CNST: variants seen among roughly 807,000 people sequenced by gnomAD.
CNST encodes the protein consortin.
A neutral mutation model predicts 72.4 loss-of-function variants in CNST; 39 were observed. The ratio of observed to expected loss-of-function variants is 0.54; its 90% CI spans 0.42 to 0.70. CNST has a LOEUF of 0.70. Among genes scored for constraint, CNST ranks in the 30% least tolerant of loss-of-function variants. CNST has a pLI of 0.00. For synonymous variants in CNST, 332 were observed against 320.1 expected, an observed-to-expected ratio of 1.04 and a Z score of -0.40; for missense variants, 871 against 868.5, an observed-to-expected ratio of 1.00 and a Z score of -0.04.
intron 7 of CNST, 76 bp downstream of exon 7, chr1:246,641,846 G>A: frequency 7.9e-7 from 1 of 1,270,636 alleles, no homozygotes; most frequent in Admixed American, 2.0e-5. Context: ...GACTATTTTG[G>A]AAAATGAGGA....
At position 246,660,351 on chromosome 1, in the gene CNST, T is replaced by G; in HGVS notation, c.1972+17T>G. On this transcript the variant is annotated intron_variant, in intron 10 of 10. Coordinates refer to ENST00000366513, the MANE Select transcript of CNST (RefSeq NM_152609.3). ...TGGATCAAGGTAAACCGCTTGGCAC[T>G]GTGGCTAGCAGGATAGATGCTCAGT... is the stretch of plus-strand genomic sequence containing the variant. 1.2e-6 allele frequency: 2 copies of G among 1,608,362 alleles called. No individual in the cohort carries two copies. The highest frequency in any genetic ancestry group is 1.7e-6 in the Non-Finnish European group (2 of 1,178,104).
rs1041980025 is a variant in CNST at position 246,665,955 on chromosome 1, C to T, written c.*50C>T. 3.8e-6 allele frequency: 5 copies of T among 1,330,606 alleles called. No individual in the cohort carries two copies. Among genetic ancestry groups the T allele is most frequent in the Non-Finnish European group, 5.3e-6 (5 of 938,596 alleles). The allele number at this position is 1,330,606 out of a possible 1,614,324, so 82.4% of individuals were successfully genotyped here. On this transcript the variant is annotated 3_prime_UTR_variant, in exon 11 of 11. Transcript: ENST00000366513. ...GGCAGTGAGAGTGAAAGGCGGGAGA[C>T]TTTCTAAACAGTTTTTCTTTCAGGA...
intron 3 of CNST, among the ~76,000 whole-genome samples, chr1:246,630,515 T>A (rs141311083): frequency 6.6e-6 from 1 of 152,166 alleles, no homozygotes; most frequent in Non-Finnish European, 1.5e-5. Context: ...ATGGAAAAAA[T>A]GTCACATTTG....
chr1:246,618,121 T>G (rs921275155), intron 2 of CNST, among the ~76,000 whole-genome samples: 5 of 152,224 alleles, frequency 3.3e-5, no homozygotes, highest in African/African-American at 1.2e-4. Flanking sequence ...TAACCTTACC[T>G]TCCATTATCG....
chr1:246,641,450 A>G (rs1483193262), intron 6 of CNST, among the ~76,000 whole-genome samples: 1 of 152,224 alleles, frequency 6.6e-6, no homozygotes, highest in East Asian at 1.9e-4. Context: ...TGTGTGTGAA[A>G]TCGTCTTTAT....
intron 2 of CNST, among the ~76,000 whole-genome samples, chr1:246,619,082 T>C (rs1663879748): frequency 6.6e-6 from 1 of 152,068 alleles, no homozygotes; most frequent in African/African-American, 2.4e-5. Context: ...AAGAATAGAA[T>C]TTGGGAAGCT....
At chr1:246,577,955 C>T (rs892782402) in intron 1 of CNST, among the ~76,000 whole-genome samples, 1 of 151,648 alleles carries the variant, frequency 6.6e-6, no homozygotes, top group African/African-American at 2.4e-5. Flanking sequence ...CTGTTTCCTA[C>T]CAGATAATAC....
intron 6 of CNST, among the ~76,000 whole-genome samples, chr1:246,639,882 C>G (rs552400488): frequency 6.6e-6 from 1 of 150,770 alleles, no homozygotes; most frequent in East Asian, 2.0e-4. Flanking sequence ...CTCCTGTAAA[C>G]AGGAAGTGTC....
chr1:246,571,369 C>CA (rs1198399415), intron 1 of CNST, among the ~76,000 whole-genome samples: 1 of 152,188 alleles, frequency 6.6e-6, no homozygotes, highest in African/African-American at 2.4e-5. Context: ...AGGCTGGTTT[C>CA]AAACTCCTGA....
intron 2 of CNST, among the ~76,000 whole-genome samples, chr1:246,594,161 T>C (rs988257051): frequency 6.6e-6 from 1 of 152,078 alleles, no homozygotes; most frequent in Admixed American, 6.5e-5. Context: ...TATTCCACTT[T>C]TCTTAGGTGT....
At position 246,648,280 on chromosome 1, in the gene CNST, G is replaced by A. The variant is rs769326033; in HGVS notation, c.1836+243G>A. The A allele has an allele frequency of 1.3e-4, 157 of 1,202,204 alleles. 1 individual carries two copies. The highest frequency in any genetic ancestry group is 5.1e-4 in the African/African-American group (33 of 64,468). The allele number at this position is 1,202,204 out of a possible 1,614,324, so 74.5% of individuals were successfully genotyped here. A position where few individuals can be genotyped will look rare whatever the true frequency, so the allele number is the denominator to read the frequency against. ...TTGCATGCCTCCAGCTAGAGTGAGC[G>A]TTATTGTATATATCCATTTTTTATA... On this transcript the variant is annotated intron_variant, in intron 9 of 10. Coordinates refer to ENST00000366513, the MANE Select transcript of CNST (RefSeq NM_152609.3).
intron 8 of CNST, 41 bp downstream of exon 8, chr1:246,642,078 C>A: frequency 9.3e-7 from 1 of 1,075,704 alleles, no homozygotes; most frequent in Non-Finnish European, 1.4e-6. Context: ...GTAAAAGATA[C>A]CTGCCTCTTC....
At chr1:246,641,473 G>A (rs1005582037) in intron 6 of CNST, among the ~76,000 whole-genome samples, 6 of 152,148 alleles carry the variant, frequency 3.9e-5, no homozygotes, top group African/African-American at 1.4e-4. Flanking sequence ...GCAAAAGGTT[G>A]TCATTCTTCT....
chr1:246,585,299 A>G (rs915274376), intron 1 of CNST, among the ~76,000 whole-genome samples: 1 of 152,114 alleles, frequency 6.6e-6, no homozygotes, highest in African/African-American at 2.4e-5. Flanking sequence ...GTCTGAAATG[A>G]GCCAGTCTGC....
intron 9 of CNST, among the ~76,000 whole-genome samples, chr1:246,652,820 C>A (rs369129835): frequency 5.3e-5 from 8 of 150,204 alleles, no homozygotes; most frequent in Non-Finnish European, 8.9e-5. Flanking sequence ...CTGGCTAACA[C>A]GGTGAAACCC....
intron 3 of CNST, among the ~76,000 whole-genome samples, chr1:246,627,870 C>T (rs1664536875): frequency 6.8e-6 from 1 of 147,658 alleles, no homozygotes; most frequent in African/African-American, 2.5e-5. Flanking sequence ...AGTCAGGGTT[C>T]TCTTAGAGGG....
intron 3 of CNST, among the ~76,000 whole-genome samples, chr1:246,623,536 G>A (rs1664222412): frequency 6.6e-6 from 1 of 152,116 alleles, no homozygotes; most frequent in Non-Finnish European, 1.5e-5. Context: ...TGGATCATGT[G>A]AGGTCAGAAG....
At chr1:246,627,282 G>A (rs1664499779) in intron 3 of CNST, among the ~76,000 whole-genome samples, 1 of 152,200 alleles carries the variant, frequency 6.6e-6, no homozygotes. Flanking sequence ...GGCCTACAAG[G>A]CCCTACATGA....
In CNST at chr1:246,622,604, G is replaced by T. The variant is rs1382776313; in HGVS notation, c.585+970G>T. ...GTGACATTGAGACTTTATTTTTAGG[G>T]ACTGGGAATTTTTAATTCTAAGAGT... is the stretch of plus-strand genomic sequence containing the variant. On this transcript the variant is annotated intron_variant, in intron 3 of 10. Coordinates refer to ENST00000366513, the MANE Select transcript of CNST (RefSeq NM_152609.3). 3.3e-5 allele frequency among the ~76,000 whole-genome samples: 5 copies of T among 152,134 alleles called. No homozygotes were observed. In the East Asian group the frequency reaches 5.8e-4, roughly 18 times the overall value.
Sources: allele counts gnomAD v4.1 joint callset (sites outside exome capture counted in the v4.1 genomes callset), GRCh38; gene constraint gnomAD v4.1.1; transcripts MANE v1.5; gene names NCBI Gene and HGNC (gene_info 2026-07-23, HGNC 2026-07-21).